The following TRIM33 variants were observed in gnomAD, a reference collection of about 807,000 sequenced individuals.
TRIM33 encodes E3 ubiquitin-protein ligase TRIM33.
TRIM33 carries 20 observed loss-of-function variants against 125.4 expected under a neutral mutation model. That is an observed-to-expected ratio of 0.16 (90% CI 0.11 to 0.23). The LOEUF (loss-of-function observed/expected upper bound fraction) is 0.23. Among genes scored for constraint, TRIM33 ranks in the 10% least tolerant of loss-of-function variants. The pLI, the probability that TRIM33 is intolerant of heterozygous loss-of-function variation, is 1.00. For missense variants in TRIM33, 920 were observed against 1,411.4 expected (o/e 0.65, Z 5.58); for synonymous variants, 564 against 513.9 (o/e 1.10, Z -1.32).
intron 4 of TRIM33, among the ~76,000 whole-genome samples, chr1:114,435,831 A>ATCC (rs1648243306): frequency 6.8e-6 from 1 of 148,068 alleles, no homozygotes; most frequent in Admixed American, 6.7e-5. Flanking sequence ...AGCCCAAGCA[A>ATCC]TCCTCCTGCA....
intron 1 of TRIM33, 75 bp from the exon 2 acceptor site, chr1:114,464,463 C>T (rs994309927): frequency 1.8e-5 from 14 of 792,748 alleles, no homozygotes; most frequent in Non-Finnish European, 2.8e-5. Context: ...CATATAGAAA[C>T]ATTAATTCAT....
chr1:114,455,800 G>C (rs1002484648), intron 4 of TRIM33, among the ~76,000 whole-genome samples: 1 of 152,100 alleles, frequency 6.6e-6, no homozygotes, highest in Non-Finnish European at 1.5e-5. Context: ...AAAAGCCAGG[G>C]AACAAAGATG....
At chr1:114,423,394 C>G (rs1234822355) in intron 10 of TRIM33, among the ~76,000 whole-genome samples, 1 of 152,078 alleles carries the variant, frequency 6.6e-6, no homozygotes, top group Non-Finnish European at 1.5e-5. Flanking sequence ...GCTAGGGTAT[C>G]TGGAATTCCA....
At chr1:114,421,314 A>T in intron 11 of TRIM33, 122 bp downstream of exon 11, 1 of 923,198 alleles carries the variant, frequency 1.1e-6, no homozygotes, top group Non-Finnish European at 1.6e-6. Flanking sequence ...TTTAGACTTT[A>T]CTCTTCAGAA....
At chr1:114,503,656 GA>G (rs745854863) in intron 1 of TRIM33, among the ~76,000 whole-genome samples, 4 of 152,004 alleles carry the variant, frequency 2.6e-5, no homozygotes, top group Non-Finnish European at 4.4e-5. Context: ...ATCTCTTCAG[GA>G]AAGTCTTTAA....
chr1:114,468,735 G>C, intron 1 of TRIM33: 1 of 414,584 alleles, frequency 2.4e-6, no homozygotes, highest in South Asian at 1.8e-5. Context: ...TGAAATACTA[G>C]AGAAAGACAA....
intron 1 of TRIM33, among the ~76,000 whole-genome samples, chr1:114,465,664 A>C (rs1433092884): frequency 6.6e-6 from 1 of 152,190 alleles, no homozygotes; most frequent in African/African-American, 2.4e-5. Flanking sequence ...TTAAAATTAA[A>C]AAATAACTAC....
chr1:114,464,275 C>T lies in TRIM33; in HGVS notation c.640G>A (p.Glu214Lys). Reference sequence around the variant, plus strand: ...AGAAAAATTGAGAAGCATACCTGTTCTGATTTTTCATCAGAACTGCTAGGA... The same window carrying T: ...AGAAAAATTGAGAAGCATACCTGTTTTGATTTTTCATCAGAACTGCTAGGA... ...EAPSSSDEKSEQVCTSCEDNA... is the reference protein window; with the variant it reads ...EAPSSSDEKSKQVCTSCEDNA... The change falls in exon 2 of 20, where the codon GAA becomes AAA. Residue 214 changes from glutamate (E) to lysine (K), a missense_variant. Physicochemically the swap from Glu to Lys is moderately conservative, Grantham distance 56. Transcript: ENST00000358465. 1 of 1,558,812 alleles carries T rather than the reference C, an allele frequency of 6.4e-7. No homozygotes were observed.
At chr1:114,508,729 T>TC (rs764336057) in intron 1 of TRIM33, among the ~76,000 whole-genome samples, 1 of 151,952 alleles carries the variant, frequency 6.6e-6, no homozygotes, top group African/African-American at 2.4e-5. Context: ...CTCAATACAC[T>TC]CCCCCCATCC....
chr1:114,500,876 A>G (rs1281932769), intron 1 of TRIM33, among the ~76,000 whole-genome samples: 1 of 152,206 alleles, frequency 6.6e-6, no homozygotes, highest in East Asian at 1.9e-4. Flanking sequence ...AACAATAATT[A>G]TTTCTCACAG....
At chr1:114,497,502 C>T (rs2101556814) in intron 1 of TRIM33, among the ~76,000 whole-genome samples, 1 of 151,196 alleles carries the variant, frequency 6.6e-6, no homozygotes, top group South Asian at 2.1e-4. Context: ...GGTTTCACCA[C>T]ATTGGCGAGG....
chr1:114,417,098 T>A (rs1652981910), intron 11 of TRIM33, among the ~76,000 whole-genome samples: 2 of 152,198 alleles, frequency 1.3e-5, no homozygotes, highest in Admixed American at 1.3e-4. Context: ...GAAAACATTA[T>A]GCTAAGTAAA....
At chr1:114,499,776 G>A (rs1031185483) in intron 1 of TRIM33, among the ~76,000 whole-genome samples, 1 of 152,130 alleles carries the variant, frequency 6.6e-6, no homozygotes, top group African/African-American at 2.4e-5. Flanking sequence ...CACAACAAAT[G>A]AGCAGGCAGA....
At chr1:114,509,478 G>C (rs1274357086) in intron 1 of TRIM33, among the ~76,000 whole-genome samples, 3 of 152,090 alleles carry the variant, frequency 2.0e-5, no homozygotes, top group Non-Finnish European at 2.9e-5. Flanking sequence ...CCAGAAAAAA[G>C]AAAAATCCCA....
chr1:114,487,196 A>C (rs1173532831), intron 1 of TRIM33, among the ~76,000 whole-genome samples: 1 of 152,014 alleles, frequency 6.6e-6, no homozygotes, highest in African/African-American at 2.4e-5. Context: ...AATAAGAAAA[A>C]CCCAAATAAA....
Position 114,399,403 on chromosome 1 carries a change from G to A in TRIM33, c.3120+54C>T, listed in dbSNP as rs953572349. On this transcript the variant is annotated intron_variant, in intron 18 of 19. Transcript: ENST00000358465. Reference sequence around the variant, plus strand: ...TAAAGTCAGCAGAAAAATAAAACAAGGAAACAAACAAAAACTAACAAATCA... The same window carrying A: ...TAAAGTCAGCAGAAAAATAAAACAAAGAAACAAACAAAAACTAACAAATCA... 14 of 1,521,336 alleles carry A rather than the reference G, an allele frequency of 9.2e-6. No homozygotes were observed. The Middle Eastern group carries it at 7.0e-4, about 76-fold the overall frequency. 94.2% of individuals were successfully genotyped at this position (1,521,336 alleles called of 1,614,324 possible). A position where few individuals can be genotyped will look rare whatever the true frequency, so the allele number is the denominator to read the frequency against.
At chr1:114,404,805 A>G (rs1017012417) in intron 15 of TRIM33, 6 of 147,434 alleles carry the variant, frequency 4.1e-5, no homozygotes, top group Non-Finnish European at 8.9e-5. Flanking sequence ...TTGAGAAGAT[A>G]TATCTTTTTT....
At chr1:114,508,060 T>G (rs900727433) in intron 1 of TRIM33, among the ~76,000 whole-genome samples, 26 of 152,204 alleles carry the variant, frequency 1.7e-4, no homozygotes, top group African/African-American at 6.3e-4. Context: ...GAGGCTGCAG[T>G]AAGCCGAGAT....
chr1:114,453,561 C>T (rs920609930), intron 4 of TRIM33, among the ~76,000 whole-genome samples: 3 of 152,166 alleles, frequency 2.0e-5, no homozygotes, highest in African/African-American at 7.2e-5. Flanking sequence ...CTAGCCTTTG[C>T]CTTCAGTCCC....
Sources: allele counts gnomAD v4.1 joint callset (sites outside exome capture counted in the v4.1 genomes callset), GRCh38; gene constraint gnomAD v4.1.1; transcripts MANE v1.5; gene names NCBI Gene and HGNC (gene_info 2026-07-23, HGNC 2026-07-21).